GPR158: variants seen among roughly 807,000 people sequenced by gnomAD.
GPR158 encodes the protein G protein-coupled receptor 158, also known as metabotropic glycine receptor.
Under a neutral mutation model 78.2 loss-of-function variants are expected in GPR158, and 30 were observed. The ratio of observed to expected loss-of-function variants is 0.38; its 90% CI spans 0.29 to 0.52. The LOEUF (loss-of-function observed/expected upper bound fraction) is 0.52, where lower values mean the gene tolerates loss of function less well. Ranked by LOEUF, GPR158 falls within the 20% of genes least tolerant of loss-of-function variation. The pLI is 0.83. For synonymous variants in GPR158, 581 were observed against 591.1 expected, an observed-to-expected ratio of 0.98 and a Z score of 0.25; for missense variants, 1,463 against 1,523.5, an observed-to-expected ratio of 0.96 and a Z score of 0.66.
chr10:25,404,900 C>A (rs1834491325), intron 3 of GPR158, among the ~76,000 whole-genome samples: 1 of 151,910 alleles, frequency 6.6e-6, no homozygotes, highest in Non-Finnish European at 1.5e-5. Context: ...ATCTCCAGAC[C>A]ATGATGGCAC....
intron 5 of GPR158, among the ~76,000 whole-genome samples, chr10:25,515,506 C>A (rs1342649838): frequency 7.4e-6 from 1 of 135,078 alleles, no homozygotes; most frequent in Non-Finnish European, 1.6e-5. Flanking sequence ...TCTCCCAGTG[C>A]TATCCCTCCC....
At chr10:25,587,578 A>G (rs1355172363) in intron 7 of GPR158, among the ~76,000 whole-genome samples, 1 of 152,230 alleles carries the variant, frequency 6.6e-6, no homozygotes, top group Non-Finnish European at 1.5e-5. Context: ...AAAGGAAATT[A>G]TACATGAAAA....
intron 3 of GPR158, among the ~76,000 whole-genome samples, chr10:25,404,180 C>T (rs1834481884): frequency 6.6e-6 from 1 of 152,058 alleles, no homozygotes; most frequent in Admixed American, 6.6e-5. Flanking sequence ...ATATCAAAAG[C>T]TCTGTGTTTA....
At chr10:25,456,623 A>T (rs1835295023) in intron 4 of GPR158, among the ~76,000 whole-genome samples, 1 of 152,224 alleles carries the variant, frequency 6.6e-6, no homozygotes, top group Non-Finnish European at 1.5e-5. Context: ...TCAAATTTTT[A>T]AAAAACCAGA....
intron 4 of GPR158, among the ~76,000 whole-genome samples, chr10:25,454,946 T>C (rs115797693): frequency 1.3e-5 from 2 of 152,226 alleles, no homozygotes; most frequent in East Asian, 1.9e-4. Context: ...CTCATTCATT[T>C]ATTTAGTAAG....
At chr10:25,354,530 G>A (rs1008873980) in intron 2 of GPR158, among the ~76,000 whole-genome samples, 2 of 151,952 alleles carry the variant, frequency 1.3e-5, no homozygotes, top group African/African-American at 2.4e-5. Context: ...GGTTGCTGTA[G>A]GTATTATTGT....
At chr10:25,489,790 G>C (rs936877168) in intron 5 of GPR158, among the ~76,000 whole-genome samples, 1 of 152,070 alleles carries the variant, frequency 6.6e-6, no homozygotes, top group African/African-American at 2.4e-5. Context: ...GTGCTACTGA[G>C]ACAAGGACTT....
chr10:25,433,088 A>G (rs1254747140), intron 4 of GPR158, among the ~76,000 whole-genome samples: 1 of 152,212 alleles, frequency 6.6e-6, no homozygotes, highest in Non-Finnish European at 1.5e-5. Flanking sequence ...GAATAAACCC[A>G]AAGCCTAAAG....
At chr10:25,301,381 T>C (rs568000563) in intron 2 of GPR158, among the ~76,000 whole-genome samples, 1 of 152,312 alleles carries the variant, frequency 6.6e-6, no homozygotes, top group South Asian at 2.1e-4. Context: ...AAATAGAGAA[T>C]GTCATTGCCC....
chr10:25,561,857 G>A (rs760127947), intron 6 of GPR158, among the ~76,000 whole-genome samples: 4 of 152,016 alleles, frequency 2.6e-5, no homozygotes, highest in Middle Eastern at 3.2e-3. Context: ...ATAAGGAAGG[G>A]TGCATATAAG....
intron 2 of GPR158, among the ~76,000 whole-genome samples, chr10:25,383,121 C>G (rs1350959960): frequency 4.4e-4 from 67 of 152,260 alleles, no homozygotes; most frequent in African/African-American, 1.6e-3. Flanking sequence ...AGGCATGAGC[C>G]GCCGCTCCCG....
chr10:25,445,520 G>C (rs191729734), intron 4 of GPR158, among the ~76,000 whole-genome samples: 1 of 152,172 alleles, frequency 6.6e-6, no homozygotes, highest in Non-Finnish European at 1.5e-5. Context: ...GGTTACATTT[G>C]TATTTCATAG....
At chr10:25,544,093 C>T (rs1836626902) in intron 5 of GPR158, among the ~76,000 whole-genome samples, 1 of 152,174 alleles carries the variant, frequency 6.6e-6, no homozygotes. Flanking sequence ...CCTCTTTAAC[C>T]TAGGATGTCT....
In GPR158 at chr10:25,317,716, G is replaced by GTTTTGTTTTTTTTT. The variant is rs1554793351; in HGVS notation, c.1009-78191_1009-78190insGTTTTTTTTTTTTT. 9.4e-4 allele frequency among the ~76,000 whole-genome samples: 126 copies of GTTTTGTTTTTTTTT among 134,030 alleles called. 2 individuals are homozygous for GTTTTGTTTTTTTTT. The highest frequency in any genetic ancestry group is 1.2e-3 in the African/African-American group (37 of 31,232). The allele number at this position is 134,030 out of a possible 152,430, so 87.9% of individuals were successfully genotyped here. A position where few individuals can be genotyped will look rare whatever the true frequency, so the allele number is the denominator to read the frequency against. On this transcript the variant is annotated intron_variant, in intron 2 of 10. Coordinates refer to ENST00000376351, the MANE Select transcript of GPR158 (RefSeq NM_020752.3). ...TTAAATTCTGTTTTCTTCGTAAAGT[G>GTTTTGTTTTTTTTT]TTTTTTTTTGTTTTGTTTTGTTTTG...
At chr10:25,568,049 C>T (rs1156472247) in intron 6 of GPR158, among the ~76,000 whole-genome samples, 2 of 152,166 alleles carry the variant, frequency 1.3e-5, no homozygotes, top group Non-Finnish European at 2.9e-5. Context: ...TCCTAAGCTT[C>T]TGCTTTGTAC....
intron 1 of GPR158, among the ~76,000 whole-genome samples, chr10:25,191,674 T>C (rs559025531): frequency 4.7e-4 from 72 of 152,188 alleles, no homozygotes; most frequent in African/African-American, 1.7e-3. Context: ...ACTGCAGCTT[T>C]AGTCACTGAA....
rs1220604139 is a variant in GPR158 at position 25,519,922 on chromosome 10, C to G, written c.1405-31054C>G. Among the ~76,000 whole-genome samples the G allele has an allele frequency of 1.2e-3, 57 of 46,438 alleles. 2 individuals carry two copies. The highest frequency in any genetic ancestry group is 6.8e-3 in the African/African-American group (54 of 7,892). The allele number at this position is 46,438 out of a possible 152,430, so 30.5% of individuals were successfully genotyped here. ...TTTCCTGAATCTGAACGTTGGCCTG[C>G]CTTGCTAGATTGGGGAAGTTCTCCT... On this transcript the variant is annotated intron_variant, in intron 5 of 10. Coordinates refer to ENST00000376351, the MANE Select transcript of GPR158 (RefSeq NM_020752.3).
chr10:25,385,367 G>C lies in GPR158; in HGVS notation c.1009-10544G>C, dbSNP rs1834208503. On this transcript the variant is annotated intron_variant, in intron 2 of 10. Coordinates refer to ENST00000376351, the MANE Select transcript of GPR158 (RefSeq NM_020752.3). ...TCACAGTTTGTTTATCCATTTATTT[G>C]TTGATGGGTATTTGGGTTACTTACA... 4.7e-5 allele frequency among the ~76,000 whole-genome samples: 4 copies of C among 85,520 alleles called. No homozygotes were observed. In the South Asian group the frequency reaches 1.2e-3, roughly 27 times the overall value. 56.1% of individuals were successfully genotyped at this position (85,520 alleles called of 152,430 possible).
intron 1 of GPR158, among the ~76,000 whole-genome samples, chr10:25,182,674 G>A (rs1215724718): frequency 6.6e-6 from 1 of 152,148 alleles, no homozygotes; most frequent in Non-Finnish European, 1.5e-5. Context: ...TGTTGCACAT[G>A]GTTCAGATTT....
Sources: allele counts gnomAD v4.1 joint callset (sites outside exome capture counted in the v4.1 genomes callset), GRCh38; gene constraint gnomAD v4.1.1; transcripts MANE v1.5; gene names NCBI Gene and HGNC (gene_info 2026-07-23, HGNC 2026-07-21).